PLA2G4E: variants seen among roughly 807,000 people sequenced by gnomAD.
PLA2G4E encodes the protein cytosolic phospholipase A2 epsilon.
Under a neutral mutation model 109.1 loss-of-function variants are expected in PLA2G4E, and 84 were observed. The ratio of observed to expected loss-of-function variants is 0.77; its 90% CI spans 0.65 to 0.92. PLA2G4E has a LOEUF of 0.92. Ranked by LOEUF, PLA2G4E falls within the 40% of genes least tolerant of loss-of-function variation. The pLI is 0.00. For synonymous variants in PLA2G4E, 469 were observed against 436.1 expected, an observed-to-expected ratio of 1.08 and a Z score of -0.94; for missense variants, 1,057 against 1,076.6, an observed-to-expected ratio of 0.98 and a Z score of 0.25.
intron 12 of PLA2G4E, 128 bp downstream of exon 12, chr15:41,995,232 G>T: frequency 8.0e-7 from 1 of 1,254,686 alleles, no homozygotes; most frequent in Non-Finnish European, 1.1e-6. Context: ...CACTGCATGT[G>T]GGGCACTTCC....
intron 2 of PLA2G4E, among the ~76,000 whole-genome samples, chr15:42,008,861 G>A (rs943157219): frequency 2.7e-5 from 4 of 150,610 alleles, no homozygotes; most frequent in African/African-American, 9.8e-5. Context: ...AAGCTGGCAG[G>A]AGGATGGGAG....
At chr15:42,047,512 C>G (rs1056857802) in intron 1 of PLA2G4E, among the ~76,000 whole-genome samples, 1 of 152,220 alleles carries the variant, frequency 6.6e-6, no homozygotes, top group Non-Finnish European at 1.5e-5. Flanking sequence ...AATCCCCTCC[C>G]AAATGTCCCA....
At chr15:41,983,640 C>T (rs1476487943) in exon 20 of PLA2G4E, 2 of 964,186 alleles carry the variant, frequency 2.1e-6, no homozygotes, top group Admixed American at 2.6e-5. Context: ...GGCCAACCTG[C>T]TCACACCCAT....
chr15:42,018,712 C>T (rs1041465646), intron 1 of PLA2G4E, among the ~76,000 whole-genome samples: 1 of 152,150 alleles, frequency 6.6e-6, no homozygotes, highest in Admixed American at 6.5e-5. Context: ...GCCGACACAC[C>T]GTCCCAGCCC....
chr15:42,044,543 C>A lies in PLA2G4E; in HGVS notation c.183+5978G>T, dbSNP rs187283039. Among the ~76,000 whole-genome samples the A allele has an allele frequency of 5.5e-4, 82 of 149,330 alleles. No homozygotes were observed. In the East Asian group the frequency reaches 0.016, roughly 28 times the overall value. On this transcript the variant is annotated intron_variant, in intron 1 of 19. Transcript: ENST00000399518. Reference sequence around the variant, plus strand: ...AGGGTATTAAGCAAGGACAAAAAACCAAACACCGCATGTTCTCACTCACAG... The same window carrying A: ...AGGGTATTAAGCAAGGACAAAAAACAAAACACCGCATGTTCTCACTCACAG...
intron 1 of PLA2G4E, among the ~76,000 whole-genome samples, chr15:42,036,279 AGGAGCAGCGCAGCTGG>A (rs2141073848): frequency 6.6e-6 from 1 of 152,176 alleles, no homozygotes; most frequent in East Asian, 1.9e-4. Flanking sequence ...CCGCTGGCAG[AGGAGCAGCGCAGCTGG>A]GGAGCAGCGC....
exon 8 of PLA2G4E, chr15:42,000,126 G>C: frequency 6.3e-7 from 1 of 1,592,128 alleles, no homozygotes; most frequent in Non-Finnish European, 8.6e-7. Flanking sequence ...GTGACTCTTG[G>C]GCACTTCCAC....
intron 1 of PLA2G4E, among the ~76,000 whole-genome samples, chr15:42,036,438 C>T (rs1889216730): frequency 1.3e-5 from 2 of 152,178 alleles, no homozygotes; most frequent in South Asian, 2.1e-4. Context: ...GGAGCGGTGC[C>T]GCTTTGGGGA....
chr15:42,050,666 C>T (rs963935453), exon 1 of PLA2G4E: 1 of 1,550,562 alleles, frequency 6.4e-7, no homozygotes, highest in Non-Finnish European at 8.7e-7. Context: ...CACATTAGTT[C>T]CCAGGCCAGG....
chr15:41,995,020 G>A (rs2068314683), intron 12 of PLA2G4E, among the ~76,000 whole-genome samples: 1 of 152,224 alleles, frequency 6.6e-6, no homozygotes, highest in Admixed American at 6.5e-5. Context: ...CCAGCAGTAT[G>A]GGGTCATGTT....
At chr15:42,017,334 A>G (rs770734673) in intron 1 of PLA2G4E, among the ~76,000 whole-genome samples, 5 of 152,168 alleles carry the variant, frequency 3.3e-5, no homozygotes, top group Non-Finnish European at 7.4e-5. Context: ...GTTCACTCCC[A>G]TCATCTAACC....
At chr15:42,045,577 G>A (rs1399984670) in intron 1 of PLA2G4E, among the ~76,000 whole-genome samples, 3 of 152,264 alleles carry the variant, frequency 2.0e-5, no homozygotes, top group East Asian at 3.9e-4. Flanking sequence ...AAGATAACGG[G>A]ATGTTTATGG....
intron 10 of PLA2G4E, 74 bp downstream of exon 10, chr15:41,999,450 A>G (rs564300805): frequency 6.6e-4 from 760 of 1,154,338 alleles, no homozygotes; most frequent in Admixed American, 2.0e-3. Context: ...GCAAATCAAA[A>G]CCACAGTGAG....
intron 7 of PLA2G4E, 142 bp downstream of exon 7, chr15:42,001,015 A>G: frequency 1.3e-6 from 1 of 786,214 alleles, no homozygotes; most frequent in Middle Eastern, 3.8e-4. Context: ...CCTGGGGGTG[A>G]GATGATTCTG....
chr15:42,034,720 G>T (rs1889177964), intron 1 of PLA2G4E, among the ~76,000 whole-genome samples: 1 of 152,150 alleles, frequency 6.6e-6, no homozygotes, highest in Non-Finnish European at 1.5e-5. Context: ...TTGAGTTATT[G>T]GTGGCCATCT....
intron 6 of PLA2G4E, among the ~76,000 whole-genome samples, chr15:42,001,605 C>G (rs548315139): frequency 4.6e-5 from 7 of 152,200 alleles, no homozygotes; most frequent in Non-Finnish European, 7.4e-5. Context: ...CACACATTCC[C>G]AAAGACTCTT....
intron 2 of PLA2G4E, among the ~76,000 whole-genome samples, chr15:42,013,264 C>T (rs1483357424): frequency 6.6e-6 from 1 of 152,202 alleles, no homozygotes; most frequent in Admixed American, 6.5e-5. Flanking sequence ...TCCACGATGC[C>T]TAAGTGCCTC....
chr15:42,031,677 A>G (rs1482142875), intron 1 of PLA2G4E, among the ~76,000 whole-genome samples: 9 of 152,040 alleles, frequency 5.9e-5, no homozygotes, highest in Non-Finnish European at 5.9e-5. Context: ...AAGCACCCAC[A>G]ACTAGACTCT....
At chr15:41,988,725 C>T (rs1437984283) in intron 15 of PLA2G4E, among the ~76,000 whole-genome samples, 1 of 152,120 alleles carries the variant, frequency 6.6e-6, no homozygotes, top group Non-Finnish European at 1.5e-5. Context: ...ACGTGTTTTG[C>T]CCACAGTTTT....
Sources: gnomAD v4.1 joint callset for allele counts (sites outside exome capture counted in the v4.1 genomes callset) on GRCh38, gnomAD v4.1.1 for gene constraint, MANE v1.5 for transcripts, NCBI Gene and HGNC (gene_info 2026-07-23, HGNC 2026-07-21) for gene names.